Variants in IKBKB observed in about 807,000 individuals in gnomAD.
The protein encoded by IKBKB is inhibitor of nuclear factor kappa B kinase subunit beta, also known as inhibitor of nuclear factor kappa-B kinase subunit beta.
Under a neutral mutation model 113.6 loss-of-function variants are expected in IKBKB, and 42 were observed. That is an observed-to-expected ratio of 0.37 (90% CI 0.29 to 0.48). The LOEUF (loss-of-function observed/expected upper bound fraction) is 0.48, where lower values mean the gene tolerates loss of function less well. Ranked by LOEUF, IKBKB falls within the 20% of genes least tolerant of loss-of-function variation. The pLI is 0.99. For missense variants in IKBKB, 673 were observed against 939.7 expected (o/e 0.72, Z 3.71); for synonymous variants, 296 against 361.3 (o/e 0.82, Z 2.05).
In IKBKB at chr8:42,322,161, C is replaced by T; in HGVS notation, c.1838+8C>T. 1.2e-6 allele frequency: 2 copies of T among 1,607,678 alleles called. No homozygotes were observed. The highest frequency in any genetic ancestry group is 1.7e-6 in the Non-Finnish European group (2 of 1,174,378). ...GATCTATACGCAGCTCAGGTATGAG[C>T]CCCGACCTTCCTGCTCTGGAGGAAG... On this transcript the variant is annotated splice_region_variant and intron_variant, in intron 18 of 21. Coordinates refer to ENST00000520810, the MANE Select transcript of IKBKB (RefSeq NM_001556.3).
At chr8:42,272,296 C>T (rs772956428) in intron 2 of IKBKB, 91 bp downstream of exon 2, 10 of 1,562,832 alleles carry the variant, frequency 6.4e-6, no homozygotes, top group Non-Finnish European at 7.9e-6. Flanking sequence ...GCCAAGGGCT[C>T]ACCTTTGGCT....
intron 2 of IKBKB, among the ~76,000 whole-genome samples, chr8:42,282,901 T>C (rs766657824): frequency 1.6e-4 from 24 of 152,216 alleles, no homozygotes; most frequent in Non-Finnish European, 3.5e-4. Context: ...TTTAAGTATG[T>C]CTGTATCTAC....
intron 8 of IKBKB, chr8:42,309,326 C>G (rs994316153): frequency 9.2e-6 from 4 of 435,496 alleles, no homozygotes; most frequent in Middle Eastern, 6.4e-4. Flanking sequence ...TATGAATATA[C>G]GCACTTACAC....
intron 5 of IKBKB, among the ~76,000 whole-genome samples, chr8:42,297,482 T>C (rs1814125377): frequency 1.3e-5 from 2 of 152,180 alleles, no homozygotes; most frequent in African/African-American, 4.8e-5. Context: ...CCTACTCTCT[T>C]CTGTGCCGCT....
At chr8:42,310,560 C>T (rs551959299) in intron 8 of IKBKB, among the ~76,000 whole-genome samples, 35 of 152,156 alleles carry the variant, frequency 2.3e-4, no homozygotes, top group Admixed American at 4.6e-4. Flanking sequence ...TCTTTTTGAG[C>T]CAATTTATCT....
Position 42,322,072 on chromosome 8 carries a change from A to G in IKBKB, c.1757A>G (p.Asp586Gly). The change falls in exon 18 of 22, where the codon GAC becomes GGC. Residue 586 changes from aspartate to glycine, a missense_variant. Around this residue, in one of 2 missense-constraint regions of IKBKB, gnomAD observed 506 missense variants for 638.7 expected, o/e 0.79. Coordinates refer to ENST00000520810, the MANE Select transcript of IKBKB (RefSeq NM_001556.3). The stretch of plus-strand genomic sequence containing the variant: ...TCTCCAGACCAGCGAACTGAGGGTG[A>G]CAGTCAGGAAATGGTACGGCTGCTG... ...EKPRDQRTEG[D>G]SQEMVRLLLQ... 1 of 1,613,910 alleles carries G rather than the reference A, an allele frequency of 6.2e-7. No homozygotes were observed. The highest frequency in any genetic ancestry group is 8.5e-7 in the Non-Finnish European group (1 of 1,179,908).
chr8:42,305,762 G>A lies in IKBKB; in HGVS notation c.477+487G>A, dbSNP rs571814295. Among the ~76,000 whole-genome samples, 10 of 152,342 alleles carry A rather than the reference G, an allele frequency of 6.6e-5. No individual in the cohort carries two copies. In the South Asian group the frequency reaches 1.9e-3, roughly 28 times the overall value. The stretch of plus-strand genomic sequence containing the variant: ...AGTGGCCACCCGGCTCAGACGTGGT[G>A]TTGACTGCCCCACAAGCTTGACATT... On this transcript the variant is annotated intron_variant, in intron 6 of 21. Coordinates refer to ENST00000520810, the MANE Select transcript of IKBKB (RefSeq NM_001556.3).
intron 2 of IKBKB, among the ~76,000 whole-genome samples, chr8:42,277,180 ATT>A (rs751878075): frequency 3.4e-4 from 29 of 84,864 alleles, no homozygotes; most frequent in Admixed American, 3.7e-4. Flanking sequence ...CGTGTGGCTA[ATT>A]TTTTTTTTTT....
At chr8:42,329,421 C>A in intron 21 of IKBKB, 1 of 943,260 alleles carries the variant, frequency 1.1e-6, no homozygotes, top group Non-Finnish European at 1.3e-6. Context: ...TTCCCGGGTT[C>A]AAGTGATTCT....
chr8:42,271,395 C>A lies in IKBKB; in HGVS notation c.-93C>A. ...AATGTTTTCAGGGGGGTGTCATAGC[C>A]CCGGGTTTGGCCGCCCCAGCCCCGC... On this transcript the variant is annotated 5_prime_UTR_variant, in exon 1 of 22. Coordinates refer to ENST00000520810, the MANE Select transcript of IKBKB (RefSeq NM_001556.3). 2 of 1,516,794 alleles carry A rather than the reference C, an allele frequency of 1.3e-6. No individual in the cohort carries two copies. The highest frequency in any genetic ancestry group is 1.8e-6 in the Non-Finnish European group (2 of 1,131,204). The allele number at this position is 1,516,794 out of a possible 1,614,324, so 94.0% of individuals were successfully genotyped here. A position where few individuals can be genotyped will look rare whatever the true frequency, so the allele number is the denominator to read the frequency against.
intron 5 of IKBKB, among the ~76,000 whole-genome samples, chr8:42,303,090 A>AGAGAAAG (rs1815668991): frequency 9.9e-6 from 1 of 101,164 alleles, no homozygotes; most frequent in African/African-American, 5.0e-5. Flanking sequence ...AGAGAGAGAG[A>AGAGAAAG]ATGAGAGAGA....
intron 19 of IKBKB, 88 bp downstream of exon 19, chr8:42,322,582 C>A: frequency 7.3e-7 from 1 of 1,363,588 alleles, no homozygotes; most frequent in Non-Finnish European, 1.0e-6. Context: ...CCACACGGGA[C>A]ACCACAGAGC....
At chr8:42,281,630 C>T (rs904555818) in intron 2 of IKBKB, among the ~76,000 whole-genome samples, 2 of 152,176 alleles carry the variant, frequency 1.3e-5, no homozygotes, top group African/African-American at 4.8e-5. Flanking sequence ...CAGTTACCTG[C>T]TGAGCCAGGG....
chr8:42,293,481 A>T lies in IKBKB; in HGVS notation c.357A>T (p.Glu119Asp), dbSNP rs750418316. The change falls in exon 5 of 22, where the codon GAA (glutamate) becomes GAT (aspartate). Residue 119 changes from glutamate (E) to aspartate (D), a missense_variant. Physicochemically the swap from Glu to Asp is conservative, Grantham distance 45. Coordinates refer to ENST00000520810, the MANE Select transcript of IKBKB (RefSeq NM_001556.3). ...TTGAGAACTGCTGTGGTCTGCGGGA[A>T]GGTGCCATCCTCACCTTGCTGAGTG... ...NQFENCCGLR[E>D]GAILTLLSDI... The T allele has an allele frequency of 8.1e-6, 13 of 1,614,058 alleles. No individual in the cohort carries two copies. In the Admixed American group the frequency reaches 2.2e-4, roughly 27 times the overall value.
chr8:42,293,646 G>A (rs78193918), intron 5 of IKBKB, 134 bp downstream of exon 5: 53 of 1,477,804 alleles, frequency 3.6e-5, no homozygotes, highest in East Asian at 4.7e-5. Context: ...GCCCAGGGAC[G>A]GGGGACCCTG....
chr8:42,293,053 C>T (rs763962380), intron 4 of IKBKB, among the ~76,000 whole-genome samples: 2 of 152,118 alleles, frequency 1.3e-5, no homozygotes, highest in Non-Finnish European at 1.5e-5. Flanking sequence ...GGGCGGTGGT[C>T]GGAGGGTGGT....
intron 8 of IKBKB, among the ~76,000 whole-genome samples, chr8:42,311,954 G>T (rs1053482085): frequency 2.6e-5 from 4 of 151,994 alleles, no homozygotes; most frequent in Non-Finnish European, 5.9e-5. Flanking sequence ...TGGCGCGATC[G>T]CGGCTCACTG....
At position 42,326,051 on chromosome 8, in the gene IKBKB, C is replaced by CA; in HGVS notation, c.2069dup (p.Pro691AlafsTer10). On this transcript the variant is annotated frameshift_variant, in exon 20 of 22. Coordinates refer to ENST00000520810, the MANE Select transcript of IKBKB (RefSeq NM_001556.3). LOFTEE classifies it high-confidence loss of function. ...TAGCCAGCCTGGGCAGCTGATGTCT[C>CA]AGCCCTCCACGGCCTCCAACAGCTT... 6.2e-7 allele frequency: 1 copy of CA among 1,614,242 alleles called. No homozygotes were observed. Among genetic ancestry groups the CA allele is most frequent in the South Asian group, 1.1e-5 (1 of 91,090 alleles).
intron 6 of IKBKB, among the ~76,000 whole-genome samples, chr8:42,306,005 T>C (rs1816448406): frequency 6.6e-6 from 1 of 152,236 alleles, no homozygotes; most frequent in Non-Finnish European, 1.5e-5. Context: ...TGAGGGCATT[T>C]ACTGAGAAGA....
Sources: gnomAD v4.1 joint callset for allele counts (sites outside exome capture counted in the v4.1 genomes callset) on GRCh38, gnomAD v4.1.1 for gene constraint, gnomAD v4.1.1 regional missense constraint, MANE v1.5 for transcripts, NCBI Gene and HGNC (gene_info 2026-07-23, HGNC 2026-07-21) for gene names.